Variants in HDAC9 observed in about 807,000 individuals in gnomAD.
HDAC9 encodes histone deacetylase 9.
A neutral mutation model predicts 139.4 loss-of-function variants in HDAC9; 41 were observed. The ratio of observed to expected loss-of-function variants is 0.29; its 90% CI spans 0.23 to 0.38. The LOEUF (loss-of-function observed/expected upper bound fraction) is 0.38. Ranked by LOEUF, HDAC9 falls within the 10% of genes least tolerant of loss-of-function variation. The pLI, the probability that HDAC9 is intolerant of heterozygous loss-of-function variation, is 1.00. For missense variants in HDAC9, 1,147 were observed against 1,297.0 expected (o/e 0.88, Z 1.78); for synonymous variants, 517 against 476.2 (o/e 1.09, Z -1.12).
intron 1 of HDAC9, among the ~76,000 whole-genome samples, chr7:18,100,299 G>A (rs917409358): frequency 6.6e-6 from 1 of 151,602 alleles, no homozygotes; most frequent in African/African-American, 2.4e-5. Flanking sequence ...CATGTTTCTT[G>A]TGCTTTGGGT....
Position 18,465,392 on chromosome 7 carries a change from A to G in HDAC9, c.-41-30870A>G, listed in dbSNP as rs150464463. On this transcript the variant is annotated intron_variant, in intron 1 of 3. Coordinates refer to the HDAC9 transcript ENST00000413509. ...TTTATGTTGCTTACTTTCCCCACAA[A>G]GTCCTTCACTGTGATCCTTCATTAT... Among the ~76,000 whole-genome samples, 3 of 152,182 alleles carry G rather than the reference A, an allele frequency of 2.0e-5. No individual in the cohort carries two copies. The East Asian group carries it at 5.8e-4, about 29-fold the overall frequency.
chr7:18,467,774 T>G (rs149016683), intron 1 of HDAC9, among the ~76,000 whole-genome samples: 231 of 152,266 alleles, frequency 1.5e-3, no homozygotes, highest in Middle Eastern at 3.4e-3. Flanking sequence ...ACTCCACAGT[T>G]TATTTGGATT....
chr7:18,262,797 C>T, intron 2 of HDAC9, among the ~76,000 whole-genome samples: 1 of 152,056 alleles, frequency 6.6e-6, no homozygotes, highest in East Asian at 1.9e-4. Flanking sequence ...ATTAATTCTA[C>T]CTACATTGTT....
At chr7:18,387,200 G>T (rs1448004582) in intron 1 of HDAC9, among the ~76,000 whole-genome samples, 1 of 152,162 alleles carries the variant, frequency 6.6e-6, no homozygotes, top group African/African-American at 2.4e-5. Context: ...TTCAGCATGG[G>T]CTGGATCAAG....
chr7:18,963,092 T>C (rs554516878), intron 24 of HDAC9, among the ~76,000 whole-genome samples: 13 of 152,302 alleles, frequency 8.5e-5, no homozygotes, highest in African/African-American at 3.1e-4. Flanking sequence ...TAATAGAGTT[T>C]GCATGCATTA....
At chr7:18,460,346 T>A (rs1793726217) in intron 1 of HDAC9, among the ~76,000 whole-genome samples, 1 of 152,272 alleles carries the variant, frequency 6.6e-6, no homozygotes, top group Non-Finnish European at 1.5e-5. Flanking sequence ...GGGGCTAAGC[T>A]TGGTTTCAGG....
At chr7:18,164,406 C>T (rs1767944678) in intron 2 of HDAC9, among the ~76,000 whole-genome samples, 1 of 152,168 alleles carries the variant, frequency 6.6e-6, no homozygotes, top group Non-Finnish European at 1.5e-5. Context: ...GTTTTTCTTA[C>T]ATCTTTTTTC....
chr7:18,931,181 G>T (rs1804709456), intron 22 of HDAC9, among the ~76,000 whole-genome samples: 1 of 152,176 alleles, frequency 6.6e-6, no homozygotes, highest in Non-Finnish European at 1.5e-5. Context: ...TTCTAGAATG[G>T]TACTAATTAC....
chr7:18,169,447 ATC>A (rs1788249618), intron 2 of HDAC9, among the ~76,000 whole-genome samples: 1 of 150,294 alleles, frequency 6.7e-6, no homozygotes, highest in Non-Finnish European at 1.5e-5. Context: ...GTTATGATAC[ATC>A]AGTTTTTTTT....
chr7:18,457,914 GCACACACGTGTATGCAAATGCA>G (rs1793489882), intron 1 of HDAC9, among the ~76,000 whole-genome samples: 1 of 152,136 alleles, frequency 6.6e-6, no homozygotes, highest in African/African-American at 2.4e-5. Context: ...GTTCCCAGAA[GCACACACGTGTATGCAAATGCA>G]CACACTGACA....
At chr7:18,354,858 G>A (rs567030561) in intron 1 of HDAC9, among the ~76,000 whole-genome samples, 4 of 152,248 alleles carry the variant, frequency 2.6e-5, no homozygotes, top group African/African-American at 4.8e-5. Context: ...ATCGGGGCAC[G>A]TAAGCTCTGA....
chr7:18,448,418 AC>A (rs1792496814), intron 1 of HDAC9, among the ~76,000 whole-genome samples: 1 of 152,180 alleles, frequency 6.6e-6, no homozygotes, highest in African/African-American at 2.4e-5. Context: ...AAAAAATATC[AC>A]CTTTGATCCC....
rs570223122 is a variant in HDAC9 at position 18,413,845 on chromosome 7, CTAA to C, written c.-41-82412_-41-82410del. Among the ~76,000 whole-genome samples the C allele has an allele frequency of 3.7e-3, 568 of 152,196 alleles. 5 individuals are homozygous for C. Among genetic ancestry groups the C allele is most frequent in the Non-Finnish European group, 5.9e-3 (401 of 67,978 alleles). Reference sequence around the variant, plus strand: ...AAGATATTTAGCATTTGGGCATTAGCTAATAATGATTAACTCTGTGGTAGGTGC... The same window carrying C: ...AAGATATTTAGCATTTGGGCATTAGCTAATGATTAACTCTGTGGTAGGTGC... On this transcript the variant is annotated intron_variant, in intron 1 of 3. Transcript: ENST00000413509.
At chr7:18,409,042 G>A (rs1562960112) in intron 1 of HDAC9, among the ~76,000 whole-genome samples, 1 of 152,186 alleles carries the variant, frequency 6.6e-6, no homozygotes, top group Non-Finnish European at 1.5e-5. Context: ...ATATGCGTTT[G>A]TGTGCTTTTA....
chr7:18,870,447 G>A (rs1209119733), intron 21 of HDAC9, among the ~76,000 whole-genome samples: 3 of 151,994 alleles, frequency 2.0e-5, no homozygotes, highest in Non-Finnish European at 4.4e-5. Context: ...TAGTAAAAAC[G>A]CCATAGGACT....
chr7:18,860,989 A>G (rs1050360277), intron 21 of HDAC9, among the ~76,000 whole-genome samples: 1 of 152,176 alleles, frequency 6.6e-6, no homozygotes, highest in African/African-American at 2.4e-5. Flanking sequence ...GATCCTTTCC[A>G]GCTCTAGTCC....
chr7:18,800,009 C>T lies in HDAC9; in HGVS notation c.2322+6557C>T, dbSNP rs2129183167. ...AATGATGAGAAAAAAATCTTAAAAA[C>T]AGCAAAAGAGAAGCAACTCATCACC... On this transcript the variant is annotated intron_variant, in intron 17 of 25. Transcript: ENST00000686413. Among the ~76,000 whole-genome samples the T allele has an allele frequency of 1.3e-5, 2 of 152,220 alleles. 1 individual carries two copies. Among genetic ancestry groups the T allele is most frequent in the South Asian group, 4.2e-4 (2 of 4,818 alleles).
chr7:18,499,144 G>A, intron 2 of HDAC9, among the ~76,000 whole-genome samples: 1 of 151,820 alleles, frequency 6.6e-6, no homozygotes, highest in East Asian at 1.9e-4. Context: ...CAAAGAAGTT[G>A]CACAGTATGT....
chr7:18,971,529 A>T (rs918907251), intron 24 of HDAC9, among the ~76,000 whole-genome samples: 2 of 152,228 alleles, frequency 1.3e-5, no homozygotes, highest in African/African-American at 4.8e-5. Context: ...GTAATGGAAG[A>T]AAAGACCCTA....
Sources: allele counts gnomAD v4.1 joint callset (sites outside exome capture counted in the v4.1 genomes callset), GRCh38; gene constraint gnomAD v4.1.1; transcripts MANE v1.5; gene names NCBI Gene and HGNC (gene_info 2026-07-23, HGNC 2026-07-21).